The following MAP2K6 variants were observed in gnomAD, a reference collection of about 807,000 sequenced individuals.
MAP2K6 encodes the protein dual specificity mitogen-activated protein kinase kinase 6.
In MAP2K6, 16 loss-of-function variants were observed where a neutral mutation model predicts 53.7. That is an observed-to-expected ratio of 0.30 (90% CI 0.20 to 0.45). The LOEUF (loss-of-function observed/expected upper bound fraction) is 0.45, where lower values mean the gene tolerates loss of function less well. MAP2K6 is among the 20% of genes least tolerant of loss of function. The pLI is 1.00. For missense variants in MAP2K6, 204 were observed against 411.9 expected, an observed-to-expected ratio of 0.50 and a Z score of 4.37; for synonymous variants, 132 against 143.1, an observed-to-expected ratio of 0.92 and a Z score of 0.55.
chr17:69,511,962 G>A (rs1044327955), intron 2 of MAP2K6, among the ~76,000 whole-genome samples: 22 of 152,188 alleles, frequency 1.4e-4, no homozygotes, highest in African/African-American at 5.1e-4. Context: ...CTAGATGACA[G>A]AGTGAGACTC....
intron 2 of MAP2K6, among the ~76,000 whole-genome samples, chr17:69,512,083 A>G (rs953867808): frequency 2.0e-5 from 3 of 151,966 alleles, no homozygotes; most frequent in Non-Finnish European, 4.4e-5. Flanking sequence ...GTGCATTGCA[A>G]TTGCTCAATG....
At chr17:69,430,065 G>A (rs975324130) in intron 1 of MAP2K6, among the ~76,000 whole-genome samples, 4 of 152,206 alleles carry the variant, frequency 2.6e-5, no homozygotes, top group African/African-American at 7.2e-5. Context: ...AGTGGCTCAT[G>A]CCTGTAATCC....
chr17:69,549,676 A>G lies in MAP2K6; in HGVS notation c.*7923A>G, dbSNP rs1912018798. ...CTCATTCCAAACATGCGACCTTATA[A>G]TAAGAACTTCCTTTAAAGATGAGCA... On this transcript the variant is annotated 3_prime_UTR_variant, in exon 12 of 12. Coordinates refer to ENST00000590474, the MANE Select transcript of MAP2K6 (RefSeq NM_002758.4). The G allele has an allele frequency of 6.6e-6, 1 of 152,212 alleles. No individual in the cohort carries two copies. The highest frequency in any genetic ancestry group is 2.4e-5 in the African/African-American group (1 of 41,464). 9.4% of individuals were successfully genotyped at this position (152,212 alleles called of 1,614,324 possible).
At chr17:69,482,933 A>C (rs1360350313) in intron 1 of MAP2K6, among the ~76,000 whole-genome samples, 1 of 152,134 alleles carries the variant, frequency 6.6e-6, no homozygotes. Context: ...AGGAGATGGC[A>C]GTAGTTTCCA....
At chr17:69,519,770 C>G in intron 5 of MAP2K6, 1 of 253,488 alleles carries the variant, frequency 3.9e-6, no homozygotes, top group South Asian at 5.8e-5. Context: ...GCTTTAGGAG[C>G]TTCATCTAGC....
At chr17:69,479,880 A>G (rs1908287712) in intron 1 of MAP2K6, among the ~76,000 whole-genome samples, 1 of 151,828 alleles carries the variant, frequency 6.6e-6, no homozygotes, top group South Asian at 2.1e-4. Context: ...TTGCAGGCGC[A>G]CACCACCGTG....
intron 1 of MAP2K6, 76 bp from the exon 2 acceptor site, chr17:69,505,704 C>A: frequency 8.4e-7 from 1 of 1,187,110 alleles, no homozygotes; most frequent in Non-Finnish European, 1.3e-6. Flanking sequence ...TCAGCTCTTT[C>A]CTTTGCCGCA....
chr17:69,432,569 C>T (rs1461514619), intron 1 of MAP2K6, among the ~76,000 whole-genome samples: 1 of 151,592 alleles, frequency 6.6e-6, no homozygotes, highest in Non-Finnish European at 1.5e-5. Context: ...AACCAAACAC[C>T]ACATGTTCTC....
chr17:69,438,527 T>G (rs1249490998), intron 1 of MAP2K6, among the ~76,000 whole-genome samples: 4 of 152,204 alleles, frequency 2.6e-5, no homozygotes, highest in Non-Finnish European at 5.9e-5. Flanking sequence ...TGGTAGGAGC[T>G]GGCAAACTAT....
At position 69,542,578 on chromosome 17, in the gene MAP2K6, C is replaced by T. The variant is rs189126744; in HGVS notation, c.*825C>T. On this transcript the variant is annotated 3_prime_UTR_variant, in exon 12 of 12. Coordinates refer to ENST00000590474, the MANE Select transcript of MAP2K6 (RefSeq NM_002758.4). ...GATTTGTAATATGATTTTATATCCA[C>T]CTACCTATTCATCTACCTGTGTGTA... The T allele has an allele frequency of 6.6e-6, 1 of 152,258 alleles. No individual in the cohort carries two copies. The highest frequency in any genetic ancestry group is 6.5e-5 in the Admixed American group (1 of 15,290). 9.4% of individuals were successfully genotyped at this position (152,258 alleles called of 1,614,324 possible).
chr17:69,507,089 T>C (rs1909540425), intron 2 of MAP2K6, among the ~76,000 whole-genome samples: 1 of 152,182 alleles, frequency 6.6e-6, no homozygotes, highest in Non-Finnish European at 1.5e-5. Context: ...CTACTTTTAC[T>C]ACCTGTATAG....
chr17:69,520,541 C>T, intron 6 of MAP2K6, 155 bp downstream of exon 6: 2 of 609,052 alleles, frequency 3.3e-6, no homozygotes, highest in South Asian at 4.1e-5. Context: ...TACATGCTTT[C>T]CTTTCTGAGC....
At chr17:69,538,043 T>C (rs1911439631) in intron 11 of MAP2K6, among the ~76,000 whole-genome samples, 1 of 152,052 alleles carries the variant, frequency 6.6e-6, no homozygotes, top group African/African-American at 2.4e-5. Flanking sequence ...TATTTTAATT[T>C]TTATTTTTTA....
At chr17:69,468,608 A>G (rs1907887430) in intron 1 of MAP2K6, among the ~76,000 whole-genome samples, 1 of 152,214 alleles carries the variant, frequency 6.6e-6, no homozygotes, top group Admixed American at 6.5e-5. Context: ...GCTGTCCTTG[A>G]TGATGACATC....
At chr17:69,455,795 A>G (rs1473293042) in intron 1 of MAP2K6, among the ~76,000 whole-genome samples, 3 of 149,716 alleles carry the variant, frequency 2.0e-5, no homozygotes, top group Non-Finnish European at 4.4e-5. Flanking sequence ...TTGTTTAGTT[A>G]TAGCATGACC....
At chr17:69,529,803 G>A (rs1328088999) in intron 10 of MAP2K6, among the ~76,000 whole-genome samples, 6 of 152,076 alleles carry the variant, frequency 3.9e-5, no homozygotes, top group Admixed American at 2.6e-4. Flanking sequence ...GAGCCACTGC[G>A]TCCGGCCAAT....
rs1408397085 is a variant in MAP2K6 at position 69,546,641 on chromosome 17, T to A, written c.*4888T>A. The A allele has an allele frequency of 1.3e-5, 2 of 152,182 alleles. No homozygotes were observed. The highest frequency in any genetic ancestry group is 1.3e-4 in the Admixed American group (2 of 15,276). 9.4% of individuals were successfully genotyped at this position (152,182 alleles called of 1,614,324 possible). ...GCTGTTTTGGCTGTGTTACTCCCTC[T>A]GCCCTCGAAGCTAAGATTTATATAT... On this transcript the variant is annotated 3_prime_UTR_variant, in exon 12 of 12. Transcript: ENST00000590474.
At chr17:69,514,797 G>C (rs886819714) in intron 2 of MAP2K6, among the ~76,000 whole-genome samples, 2 of 152,076 alleles carry the variant, frequency 1.3e-5, no homozygotes, top group African/African-American at 4.8e-5. Flanking sequence ...CCTGACCTCA[G>C]GTGATCCGCC....
chr17:69,511,981 AAAAC>A (rs1598300498), intron 2 of MAP2K6, among the ~76,000 whole-genome samples: 1 of 152,248 alleles, frequency 6.6e-6, no homozygotes, highest in Non-Finnish European at 1.5e-5. Context: ...TCCATCTCAA[AAAAC>A]AAACAAACAA....
Sources: gnomAD v4.1 joint callset for allele counts (sites outside exome capture counted in the v4.1 genomes callset) on GRCh38, gnomAD v4.1.1 for gene constraint, MANE v1.5 for transcripts, NCBI Gene and HGNC (gene_info 2026-07-23, HGNC 2026-07-21) for gene names.